The following TCP11 variants were observed in gnomAD, a reference collection of about 807,000 sequenced individuals.
The protein encoded by TCP11 is t-complex 11, also known as T-complex protein 11 homolog.
In TCP11, 34 loss-of-function variants were observed where a neutral mutation model predicts 45.0. The observed-to-expected ratio is 0.76, with a 90% CI of 0.57 to 1.01. The LOEUF (loss-of-function observed/expected upper bound fraction) is 1.01, where lower values mean the gene tolerates loss of function less well. Ranked by LOEUF, TCP11 falls within the 50% of genes least tolerant of loss-of-function variation. The pLI, the probability that TCP11 is intolerant of heterozygous loss-of-function variation, is 0.00. For missense variants in TCP11, 523 were observed against 598.1 expected (o/e 0.87, Z 1.31); for synonymous variants, 227 against 227.0 (o/e 1.00, Z 0.00).
chr6:35,140,462 C>T (rs1781602998), intron 2 of TCP11: 1 of 578,166 alleles, frequency 1.7e-6, no homozygotes, highest in Admixed American at 2.3e-5. Context: ...GCCAATCCCC[C>T]CTACATATTC....
chr6:35,141,245 C>G lies in TCP11; in HGVS notation c.-55G>C. 6.7e-6 allele frequency: 9 copies of G among 1,333,604 alleles called. No homozygotes were observed. The highest frequency in any genetic ancestry group is 8.6e-6 in the Non-Finnish European group (9 of 1,040,702). 82.6% of individuals were successfully genotyped at this position (1,333,604 alleles called of 1,614,324 possible). A position where few individuals can be genotyped will look rare whatever the true frequency, so the allele number is the denominator to read the frequency against. On this transcript the variant is annotated 5_prime_UTR_variant, in exon 1 of 10. Coordinates refer to ENST00000311875, the MANE Select transcript of TCP11 (RefSeq NM_001370687.1). Reference sequence around the variant, plus strand: ...CGCGGGTCATCCACTGGCGTCCGCTCGGTGGGCCTCGCGGCCTGGCGGCCT... The same window carrying G: ...CGCGGGTCATCCACTGGCGTCCGCTGGGTGGGCCTCGCGGCCTGGCGGCCT...
At chr6:35,119,465 T>A in intron 8 of TCP11, 74 bp from the exon 9 acceptor site, 4 of 1,541,528 alleles carry the variant, frequency 2.6e-6, no homozygotes, top group South Asian at 1.2e-5. Flanking sequence ...GCATGCTGTA[T>A]ACCAGATGCC....
chr6:35,119,173 C>A (rs2234050), intron 9 of TCP11, 55 bp downstream of exon 9: 21 of 1,594,690 alleles, frequency 1.3e-5, no homozygotes, highest in Non-Finnish European at 1.6e-5. Context: ...TGGGGTTCCA[C>A]GGTTGGGATC....
At position 35,123,651 on chromosome 6, in the gene TCP11, C is replaced by CTTT. The variant is rs3045081; in HGVS notation, c.358-1317_358-1315dup. On this transcript the variant is annotated intron_variant, in intron 4 of 9. Transcript: ENST00000311875. ...CACCATGTCCAGCTTAGTTTTCTTT[C>CTTT]TTTTTTTTTTTTTTTTTGGAGAGAT... Among the ~76,000 whole-genome samples, 104 of 128,014 alleles carry CTTT rather than the reference C, an allele frequency of 8.1e-4. 3 individuals are homozygous for CTTT. The highest frequency in any genetic ancestry group is 1.8e-3 in the South Asian group (7 of 3,792). The allele number at this position is 128,014 out of a possible 152,430, so 84.0% of individuals were successfully genotyped here.
chr6:35,132,833 C>A (rs1003849074), intron 3 of TCP11, among the ~76,000 whole-genome samples: 3 of 152,218 alleles, frequency 2.0e-5, no homozygotes, highest in East Asian at 3.8e-4. Context: ...TATCACAGAC[C>A]TCATTCTCCC....
At position 35,129,106 on chromosome 6, in the gene TCP11, G is replaced by A. The variant is rs962728918; in HGVS notation, c.313C>T (p.Pro105Ser). 3.1e-6 allele frequency: 5 copies of A among 1,613,968 alleles called. No individual in the cohort carries two copies. Among genetic ancestry groups the A allele is most frequent in the Admixed American group, 1.7e-5 (1 of 59,990 alleles). The change falls in exon 4 of 10, where the codon CCT becomes TCT. Residue 105 changes from proline to serine, a missense_variant. Coordinates refer to ENST00000311875, the MANE Select transcript of TCP11 (RefSeq NM_001370687.1). ...HLKEQLSATP[P>S]DFSCALELLK... ...AGTTCAAGAGCACAGCTGAAGTCAG[G>A]GGGAGTTGCTGATAGTTGCTCTTTA...
Position 35,120,518 on chromosome 6 carries a change from T to C in TCP11, c.844A>G (p.Asn282Asp), listed in dbSNP as rs2127639631. The part of the protein sequence containing the change: ...AGPSPNEAAN[N>D]PEPLSPTMVL... ...ATTGTGGGGCTGAGGGGCTCTGGGTTGTTGGCTGCCTCATTGGGAGAGGGG... is the reference window on the plus strand; with the variant it reads ...ATTGTGGGGCTGAGGGGCTCTGGGTCGTTGGCTGCCTCATTGGGAGAGGGG... The change falls in exon 7 of 10, where the codon AAC becomes GAC. Residue 282 changes from asparagine (N) to aspartate (D), a missense_variant. Asn to Asp is a conservative substitution (Grantham distance 23). Around this residue, in one of 2 missense-constraint regions of TCP11, gnomAD observed 298 missense variants for 387.9 expected, o/e 0.77. Transcript: ENST00000311875. This position sits in a 1 kb window ranked among gnomAD's most constrained non-coding sequence, Gnocchi z 4.9. 1.2e-6 allele frequency: 2 copies of C among 1,614,096 alleles called. No individual in the cohort carries two copies. Among genetic ancestry groups the C allele is most frequent in the Middle Eastern group, 1.7e-4 (1 of 6,060 alleles).
In TCP11 at chr6:35,136,203, C is replaced by T. The variant is rs374601449; in HGVS notation, c.140G>A (p.Gly47Asp). ...EDPPPFLSVT[G>D]LTETVNEVSK... ...AACTTCATTAACGGTTTCTGTCAGACCTGTGACAGAAAGAACTGATGGTGG... is the reference window on the plus strand; with the variant it reads ...AACTTCATTAACGGTTTCTGTCAGATCTGTGACAGAAAGAACTGATGGTGG... The change falls in exon 3 of 10, where the codon GGT becomes GAT. Residue 47 changes from glycine to aspartate, a missense_variant. By Grantham distance (94) the Gly-to-Asp change is moderately conservative (BLOSUM62 -1). Coordinates refer to ENST00000311875, the MANE Select transcript of TCP11 (RefSeq NM_001370687.1). The T allele has an allele frequency of 1.2e-6, 2 of 1,612,256 alleles. No individual in the cohort carries two copies. The highest frequency in any genetic ancestry group is 2.7e-5 in the African/African-American group (2 of 74,588).
At chr6:35,133,084 C>T (rs113330117) in intron 3 of TCP11, among the ~76,000 whole-genome samples, 46 of 152,274 alleles carry the variant, frequency 3.0e-4, no homozygotes, top group African/African-American at 1.1e-3. Context: ...AAATGAATCA[C>T]GAGTTGTTAT....
chr6:35,139,453 T>C, intron 2 of TCP11, among the ~76,000 whole-genome samples: 1 of 152,242 alleles, frequency 6.6e-6, no homozygotes, highest in African/African-American at 2.4e-5. Context: ...GAAGGTGAAC[T>C]GGACCTTAAG....
At chr6:35,133,934 T>G (rs1309273712) in intron 3 of TCP11, among the ~76,000 whole-genome samples, 1 of 152,062 alleles carries the variant, frequency 6.6e-6, no homozygotes, top group African/African-American at 2.4e-5. Flanking sequence ...AAGCCTGGTG[T>G]GGGTATGGAA....
chr6:35,138,512 T>C (rs1353423689), intron 2 of TCP11, among the ~76,000 whole-genome samples: 1 of 143,224 alleles, frequency 7.0e-6, no homozygotes, highest in African/African-American at 2.6e-5. Context: ...CACTTATTTG[T>C]GGGAGCTAAA....
In TCP11 at chr6:35,121,095, C is replaced by G. The variant is rs760409733; in HGVS notation, c.579-50G>C. 3.1e-5 allele frequency: 47 copies of G among 1,521,206 alleles called. No homozygotes were observed. The East Asian group carries it at 9.8e-4, about 32-fold the overall frequency. The allele number at this position is 1,521,206 out of a possible 1,614,324, so 94.2% of individuals were successfully genotyped here. A position where few individuals can be genotyped will look rare whatever the true frequency, so the allele number is the denominator to read the frequency against. ...TTATACTACTAAGCTAGAAACCCACCCAAGGAGTCATTAAATCACTGTATT... is the reference window on the plus strand; with the variant it reads ...TTATACTACTAAGCTAGAAACCCACGCAAGGAGTCATTAAATCACTGTATT... On this transcript the variant is annotated intron_variant, in intron 5 of 9. Coordinates refer to ENST00000311875, the MANE Select transcript of TCP11 (RefSeq NM_001370687.1).
chr6:35,141,283 C>T lies in TCP11; in HGVS notation c.-93G>A, dbSNP rs899924825. The stretch of plus-strand genomic sequence containing the variant: ...GGCCTGGCGGCCTGGAGCGTACCAC[C>T]GCGGCGGAGCGGCGGGTTGGGGCGT... On this transcript the variant is annotated 5_prime_UTR_variant, in exon 1 of 10. Coordinates refer to ENST00000311875, the MANE Select transcript of TCP11 (RefSeq NM_001370687.1). The T allele has an allele frequency of 1.0e-4, 130 of 1,295,236 alleles. No homozygotes were observed. Among genetic ancestry groups the T allele is most frequent in the Non-Finnish European group, 1.2e-4 (123 of 1,022,708 alleles). The allele number at this position is 1,295,236 out of a possible 1,614,324, so 80.2% of individuals were successfully genotyped here. A position where few individuals can be genotyped will look rare whatever the true frequency, so the allele number is the denominator to read the frequency against.
Position 35,118,194 on chromosome 6 carries a change from C to T in TCP11, c.*75G>A, listed in dbSNP as rs1778828236. On this transcript the variant is annotated 3_prime_UTR_variant, in exon 10 of 10. Transcript: ENST00000311875. Reference sequence around the variant, plus strand: ...GGATAGAAGCTCACTGTCTGCTGGTCACTGGTGATGTTACTCCAGGAAGAT... The same window carrying T: ...GGATAGAAGCTCACTGTCTGCTGGTTACTGGTGATGTTACTCCAGGAAGAT... 2 of 1,244,842 alleles carry T rather than the reference C, an allele frequency of 1.6e-6. No homozygotes were observed. Among genetic ancestry groups the T allele is most frequent in the Non-Finnish European group, 2.3e-6 (2 of 855,494 alleles). The allele number at this position is 1,244,842 out of a possible 1,614,324, so 77.1% of individuals were successfully genotyped here.
At position 35,122,222 on chromosome 6, in the gene TCP11, T is replaced by A. The variant is rs139258646; in HGVS notation, c.473A>T (p.Tyr158Phe). The A allele has an allele frequency of 1.2e-6, 2 of 1,614,050 alleles. No homozygotes were observed. The highest frequency in any genetic ancestry group is 2.2e-5 in the East Asian group (1 of 44,888). Residue 158 changes from tyrosine (Y) to phenylalanine (F), a missense_variant, in exon 5 of 10, where the codon TAT becomes TTT. Coordinates refer to ENST00000311875, the MANE Select transcript of TCP11 (RefSeq NM_001370687.1). ...CATGTTGAGAACGTACTTAGAGAGA[T>A]AGAGGACTTTCAGGGCCCCATGTTC... is the stretch of plus-strand genomic sequence containing the variant. Reference protein sequence around the residue: ...EAEHGALKVLYLSKYVLNMMA... With the variant: ...EAEHGALKVLFLSKYVLNMMA...
At chr6:35,119,003 T>C (rs1247470032) in intron 9 of TCP11, among the ~76,000 whole-genome samples, 1 of 152,204 alleles carries the variant, frequency 6.6e-6, no homozygotes. Flanking sequence ...CGGCTGGACA[T>C]ATCCCACACC....
chr6:35,126,001 G>T (rs2127656784), intron 4 of TCP11, among the ~76,000 whole-genome samples: 1 of 152,258 alleles, frequency 6.6e-6, no homozygotes, highest in African/African-American at 2.4e-5. Context: ...AGAGGGGAAA[G>T]GGAAATTATT....
rs753359455 is a variant in TCP11, at chr6:35,120,461, G to T, written c.901C>A (p.Leu301Ile). The T allele has an allele frequency of 3.7e-6, 6 of 1,602,572 alleles. No individual in the cohort carries two copies. In the South Asian group the frequency reaches 6.7e-5, roughly 18 times the overall value. The change falls in exon 7 of 10, where the codon CTC becomes ATC. Residue 301 changes from leucine (L) to isoleucine (I), a missense_variant. Transcript: ENST00000311875. The surrounding 1 kb of genome is among the most constrained non-coding windows in gnomAD (Gnocchi z 4.9). The part of the protein sequence containing the change: ...VLCQGFLNLL[L>I]WDLENEEFPE... ...AACTCTTCATTTTCAAGGTCCCAGAGAAGGAGGTTCAAGAAGCCCTGACAC... is the reference window on the plus strand; with the variant it reads ...AACTCTTCATTTTCAAGGTCCCAGATAAGGAGGTTCAAGAAGCCCTGACAC...
Sources: gnomAD v4.1 joint callset for allele counts (sites outside exome capture counted in the v4.1 genomes callset) on GRCh38, gnomAD v4.1.1 for gene constraint, gnomAD v4.1.1 regional missense constraint, Gnocchi (gnomAD v3.1) non-coding constraint, MANE v1.5 for transcripts, NCBI Gene and HGNC (gene_info 2026-07-23, HGNC 2026-07-21) for gene names.